Variants in CAMTA1 observed in about 807,000 individuals in gnomAD.
CAMTA1 encodes calmodulin-binding transcription activator 1.
In CAMTA1, 27 loss-of-function variants were observed where a neutral mutation model predicts 170.9. The ratio of observed to expected loss-of-function variants is 0.16; its 90% CI spans 0.12 to 0.22. The LOEUF (loss-of-function observed/expected upper bound fraction) is 0.22, where lower values mean the gene tolerates loss of function less well. CAMTA1 is among the 10% of genes least tolerant of loss of function. The pLI is 1.00. For missense variants in CAMTA1, 1,619 were observed against 2,217.2 expected, an observed-to-expected ratio of 0.73 and a Z score of 5.42; for synonymous variants, 833 against 891.5, an observed-to-expected ratio of 0.93 and a Z score of 1.17.
intron 5 of CAMTA1, among the ~76,000 whole-genome samples, chr1:7,381,304 C>A (rs1308563309): frequency 2.0e-5 from 3 of 146,626 alleles, no homozygotes; most frequent in Non-Finnish European, 4.5e-5. Context: ...TCCCTCCCCC[C>A]TCCCCCAACC....
At chr1:7,074,891 G>C (rs576410391) in intron 3 of CAMTA1, among the ~76,000 whole-genome samples, 4 of 152,332 alleles carry the variant, frequency 2.6e-5, no homozygotes, top group Admixed American at 6.5e-5. Context: ...CCCTTTAGCA[G>C]ACAGTGTTGC....
chr1:6,962,691 C>T (rs999919752), intron 3 of CAMTA1, among the ~76,000 whole-genome samples: 6 of 150,652 alleles, frequency 4.0e-5, no homozygotes, highest in Admixed American at 4.0e-4. Context: ...CGTGGCCCCA[C>T]CCACTCCCTG....
intron 11 of CAMTA1, among the ~76,000 whole-genome samples, chr1:7,692,703 C>T (rs1378087033): frequency 6.6e-6 from 1 of 152,158 alleles, no homozygotes; most frequent in Non-Finnish European, 1.5e-5. Flanking sequence ...AGCACCCAGC[C>T]TCAGGTTGTC....
intron 5 of CAMTA1, among the ~76,000 whole-genome samples, chr1:7,390,115 C>T (rs2088527341): frequency 6.6e-6 from 1 of 152,200 alleles, no homozygotes; most frequent in African/African-American, 2.4e-5. Context: ...CGGCGCAGGG[C>T]TGGTTCCTTC....
intron 6 of CAMTA1, among the ~76,000 whole-genome samples, chr1:7,502,844 C>T (rs2094030301): frequency 6.6e-6 from 1 of 152,224 alleles, no homozygotes; most frequent in South Asian, 2.1e-4. Flanking sequence ...TCGCTCAGCA[C>T]ACAAGAGCTC....
At chr1:6,908,733 C>T (rs1399545730) in intron 3 of CAMTA1, among the ~76,000 whole-genome samples, 1 of 152,218 alleles carries the variant, frequency 6.6e-6, no homozygotes, top group East Asian at 1.9e-4. Context: ...GCATTGTGAG[C>T]TCAACCCCAG....
At chr1:7,428,269 G>A (rs1014308119) in intron 5 of CAMTA1, among the ~76,000 whole-genome samples, 3 of 152,106 alleles carry the variant, frequency 2.0e-5, no homozygotes, top group South Asian at 4.2e-4. Context: ...GGAAGACCTC[G>A]TCGGGCGAAT....
intron 3 of CAMTA1, among the ~76,000 whole-genome samples, chr1:6,944,960 C>T (rs1169456566): frequency 6.6e-6 from 1 of 152,178 alleles, no homozygotes; most frequent in Non-Finnish European, 1.5e-5. Flanking sequence ...ACATTTTCAG[C>T]TTACAGTGGG....
rs997174714 is a variant in CAMTA1, at chr1:6,965,307, G to A, written c.235-125997G>A. Among the ~76,000 whole-genome samples the A allele has an allele frequency of 9.9e-5, 15 of 152,138 alleles. No individual in the cohort carries two copies. The highest frequency in any genetic ancestry group is 3.6e-4 in the African/African-American group (15 of 41,418). On this transcript the variant is annotated intron_variant, in intron 3 of 22. Transcript: ENST00000303635. This position sits in a 1 kb window ranked among gnomAD's most constrained non-coding sequence, Gnocchi z 4.1. Reference sequence around the variant, plus strand: ...TAAGTGTGTGCTTGTGTCTGTGCATGTGTGTATGTGTGTGGGTGTGTGTGT... The same window carrying A: ...TAAGTGTGTGCTTGTGTCTGTGCATATGTGTATGTGTGTGGGTGTGTGTGT...
Position 7,768,134 on chromosome 1 carries a change from T to C in CAMTA1, c.*1643T>C, listed in dbSNP as rs968038559. On this transcript the variant is annotated 3_prime_UTR_variant, in exon 23 of 23. Coordinates refer to ENST00000303635, the MANE Select transcript of CAMTA1 (RefSeq NM_015215.4). ...ATGATAAAAAAAAAAAAAAAAAACC[T>C]GACAAAAGAAATAGTATGAAAAGTA... 7.1e-6 allele frequency: 1 copy of C among 140,874 alleles called. No homozygotes were observed. The highest frequency in any genetic ancestry group is 1.5e-5 in the Non-Finnish European group (1 of 64,798). The allele number at this position is 140,874 out of a possible 1,614,324, so 8.7% of individuals were successfully genotyped here.
At chr1:7,378,574 G>C (rs993926034) in intron 5 of CAMTA1, among the ~76,000 whole-genome samples, 2 of 152,134 alleles carry the variant, frequency 1.3e-5, no homozygotes, top group Non-Finnish European at 2.9e-5. Flanking sequence ...GAAAGCGGGT[G>C]GGTGGTTGCC....
In CAMTA1 at chr1:7,682,988, G is replaced by A. The variant is rs1390563154; in HGVS notation, c.2914+5255G>A. Among the ~76,000 whole-genome samples the A allele has an allele frequency of 2.6e-5, 4 of 152,118 alleles. No individual in the cohort carries two copies. The highest frequency in any genetic ancestry group is 4.8e-5 in the African/African-American group (2 of 41,440). On this transcript the variant is annotated intron_variant, in intron 11 of 22. Transcript: ENST00000303635. The surrounding 1 kb of genome is among the most constrained non-coding windows in gnomAD (Gnocchi z 5.0). Reference sequence around the variant, plus strand: ...AGATCGAGCCCATCCTGGTTAACACGGTGAAACCCCGCCTCTACTAAAAAT... The same window carrying A: ...AGATCGAGCCCATCCTGGTTAACACAGTGAAACCCCGCCTCTACTAAAAAT...
intron 3 of CAMTA1, among the ~76,000 whole-genome samples, chr1:6,937,415 T>C (rs1328890257): frequency 4.7e-5 from 7 of 149,650 alleles, no homozygotes; most frequent in Admixed American, 3.3e-4. Context: ...ACCATCATCA[T>C]CACCACTACC....
At position 6,980,423 on chromosome 1, in the gene CAMTA1, G is replaced by A. The variant is rs116387665; in HGVS notation, c.235-110881G>A. On this transcript the variant is annotated intron_variant, in intron 3 of 22. Transcript: ENST00000303635. ...AAGTAGCACCGGGAGTCACGAGCCC[G>A]TGGAGTGACAGACCCAGAGAGACTT... Among the ~76,000 whole-genome samples, 1,158 of 152,306 alleles carry A rather than the reference G, an allele frequency of 7.6e-3. 6 individuals carry two copies. Among genetic ancestry groups the A allele is most frequent in the African/African-American group, 0.017 (721 of 41,554 alleles).
intron 8 of CAMTA1, among the ~76,000 whole-genome samples, chr1:7,662,401 T>A (rs2095967878): frequency 6.6e-6 from 1 of 152,164 alleles, no homozygotes; most frequent in Admixed American, 6.5e-5. Flanking sequence ...CCAGGCTGAC[T>A]TAATTAGATA....
At chr1:7,563,171 C>A (rs2150275307) in intron 6 of CAMTA1, among the ~76,000 whole-genome samples, 1 of 152,372 alleles carries the variant, frequency 6.6e-6, no homozygotes, top group South Asian at 2.1e-4. Flanking sequence ...AGCCCCATGC[C>A]CCCTGCTCCT....
intron 3 of CAMTA1, among the ~76,000 whole-genome samples, chr1:6,861,075 G>A (rs1281052722): frequency 2.0e-5 from 3 of 149,876 alleles, no homozygotes; most frequent in South Asian, 4.2e-4. Context: ...AGTGATTCTC[G>A]TGGCTCAGCC....
chr1:7,317,654 C>T (rs909054756), intron 5 of CAMTA1, among the ~76,000 whole-genome samples: 5 of 152,182 alleles, frequency 3.3e-5, no homozygotes, highest in African/African-American at 7.2e-5. Context: ...GGCCTGGAAG[C>T]GGTTGAGCTG....
intron 5 of CAMTA1, among the ~76,000 whole-genome samples, chr1:7,317,806 A>G (rs1677755667): frequency 6.6e-6 from 1 of 152,210 alleles, no homozygotes; most frequent in African/African-American, 2.4e-5. Flanking sequence ...CTTTTTGGGG[A>G]TATTTATAAG....
Sources: allele counts gnomAD v4.1 joint callset (sites outside exome capture counted in the v4.1 genomes callset), GRCh38; gene constraint gnomAD v4.1.1; non-coding constraint Gnocchi (gnomAD v3.1); transcripts MANE v1.5; gene names NCBI Gene and HGNC (gene_info 2026-07-23, HGNC 2026-07-21).